PCDHGC5: variants seen among roughly 807,000 people sequenced by gnomAD.
PCDHGC5 encodes the protein protocadherin gamma subfamily C, 5, also known as protocadherin gamma-C5.
In PCDHGC5, 25 loss-of-function variants were observed where a neutral mutation model predicts 59.0. That is an observed-to-expected ratio of 0.42 (90% CI 0.31 to 0.59). The LOEUF (loss-of-function observed/expected upper bound fraction) is 0.59, where lower values mean the gene tolerates loss of function less well. Among genes scored for constraint, PCDHGC5 ranks in the 20% least tolerant of loss-of-function variants. The pLI, the probability that PCDHGC5 is intolerant of heterozygous loss-of-function variation, is 0.13. For missense variants in PCDHGC5, 1,067 were observed against 1,206.4 expected, an observed-to-expected ratio of 0.88 and a Z score of 1.71; for synonymous variants, 434 against 505.5, an observed-to-expected ratio of 0.86 and a Z score of 1.90.
rs750564390 is a variant in PCDHGC5, at chr5:141,494,823, C to T, written c.2477C>T (p.Thr826Met). Residue 826 changes from threonine to methionine, a missense_variant, in exon 2 of 4, where the codon ACG becomes ATG. Physicochemically the swap from Thr to Met is moderately conservative, Grantham distance 81. Coordinates refer to ENST00000252087, the MANE Select transcript of PCDHGC5 (RefSeq NM_018929.3). Reference sequence around the variant, plus strand: ...TCTCCACAGCAAGCCCCGCCCAACACGGACTGGCGTTTCTCTCAGGCCCAG... The same window carrying T: ...TCTCCACAGCAAGCCCCGCCCAACATGGACTGGCGTTTCTCTCAGGCCCAG... ...RERSQQAPPN[T>M]DWRFSQAQRP... 7 of 1,614,014 alleles carry T rather than the reference C, an allele frequency of 4.3e-6. No individual in the cohort carries two copies. The East Asian group carries it at 8.9e-5, about 21-fold the overall frequency.
chr5:141,510,621 A>G (rs1317150967), intron 3 of PCDHGC5, among the ~76,000 whole-genome samples: 1 of 152,176 alleles, frequency 6.6e-6, no homozygotes, highest in Non-Finnish European at 1.5e-5. Flanking sequence ...CACTAAAACC[A>G]GAAGAGGTGG....
intron 1 of PCDHGC5, among the ~76,000 whole-genome samples, chr5:141,492,337 C>T (rs559700346): frequency 1.0e-3 from 158 of 152,324 alleles, no homozygotes; most frequent in African/African-American, 3.7e-3. Flanking sequence ...TACGCGAATA[C>T]CAGCTTTCAC....
intron 2 of PCDHGC5, among the ~76,000 whole-genome samples, chr5:141,497,832 G>A (rs1326640712): frequency 1.3e-5 from 2 of 151,992 alleles, no homozygotes; most frequent in Non-Finnish European, 2.9e-5. Context: ...GATCGCCCCC[G>A]GCCACAACAA....
chr5:141,494,185 GAC>G (rs2099752607), intron 1 of PCDHGC5, among the ~76,000 whole-genome samples: 1 of 152,154 alleles, frequency 6.6e-6, no homozygotes, highest in Non-Finnish European at 1.5e-5. Context: ...AGTGTCCCGG[GAC>G]TTGGATGCCC....
rs141556649 is a variant in PCDHGC5 at position 141,492,225 on chromosome 5, C to T, written c.2460+525C>T. ...GTGTGCGCGCGGGGCTCATGCGTGT[C>T]CTCCCTGCTGGCCACCCCCACGGCC... On this transcript the variant is annotated intron_variant, in intron 1 of 3. Transcript: ENST00000252087. Among the ~76,000 whole-genome samples the T allele has an allele frequency of 2.4e-3, 361 of 152,274 alleles. No individual in the cohort carries two copies. In the Middle Eastern group the frequency reaches 0.024, roughly 10 times the overall value.
At chr5:141,498,520 A>T (rs1178141390) in intron 2 of PCDHGC5, among the ~76,000 whole-genome samples, 1 of 149,264 alleles carries the variant, frequency 6.7e-6, no homozygotes, top group Non-Finnish European at 1.5e-5. Flanking sequence ...CATCTTGCCC[A>T]CTGCCCTCCA....
At chr5:141,492,673 C>T (rs2099743035) in intron 1 of PCDHGC5, among the ~76,000 whole-genome samples, 1 of 152,250 alleles carries the variant, frequency 6.6e-6, no homozygotes, top group Non-Finnish European at 1.5e-5. Flanking sequence ...GGGACTCCGT[C>T]TCAAGGGTCG....
chr5:141,498,703 G>A (rs961006063), intron 2 of PCDHGC5, among the ~76,000 whole-genome samples: 7 of 152,228 alleles, frequency 4.6e-5, no homozygotes, highest in Non-Finnish European at 8.8e-5. Flanking sequence ...AGGCTGAGGT[G>A]GGTGGATCAC....
At chr5:141,494,363 T>C (rs1264801258) in intron 1 of PCDHGC5, among the ~76,000 whole-genome samples, 1 of 152,206 alleles carries the variant, frequency 6.6e-6, no homozygotes, top group Non-Finnish European at 1.5e-5. Context: ...CTGCAGAGGA[T>C]GCTTTGTTCC....
intron 2 of PCDHGC5, among the ~76,000 whole-genome samples, chr5:141,499,384 A>G (rs2099791576): frequency 6.6e-6 from 1 of 152,200 alleles, no homozygotes. Context: ...TTTTCCACTT[A>G]TAAAATAGTA....
In PCDHGC5 at chr5:141,510,989, C is replaced by A. The variant is rs2099883548; in HGVS notation, c.2651C>A (p.Thr884Asn). The A allele has an allele frequency of 1.2e-6, 2 of 1,614,198 alleles. No homozygotes were observed. The highest frequency in any genetic ancestry group is 1.7e-6 in the Non-Finnish European group (2 of 1,180,022). ...TCCACCCTGGGAGGGGGTGCCGGCA[C>A]CATGGGATTGAGCGCCCGCTACGGA... is the stretch of plus-strand genomic sequence containing the variant. ...GSSTLGGGAG[T>N]MGLSARYGPQ... Residue 884 changes from threonine to asparagine, a missense_variant, in exon 4 of 4, where the codon ACC becomes AAC. Thr to Asn is a moderately conservative substitution (Grantham distance 65, BLOSUM62 0). Transcript: ENST00000252087.
chr5:141,494,751 G>C (rs2099756509), intron 1 of PCDHGC5, 56 bp from the exon 2 acceptor site: 2 of 1,613,426 alleles, frequency 1.2e-6, no homozygotes, highest in African/African-American at 1.3e-5. Flanking sequence ...AGGGGCTCGG[G>C]TGACATTCTA....
At chr5:141,502,782 T>C (rs1200280465) in intron 2 of PCDHGC5, among the ~76,000 whole-genome samples, 1 of 152,132 alleles carries the variant, frequency 6.6e-6, no homozygotes, top group African/African-American at 2.4e-5. Context: ...GAAAATTACC[T>C]GGATGATTTC....
chr5:141,506,815 A>G (rs2099856451), intron 3 of PCDHGC5, among the ~76,000 whole-genome samples: 1 of 152,214 alleles, frequency 6.6e-6, no homozygotes, highest in African/African-American at 2.4e-5. Flanking sequence ...GCATTGCCCT[A>G]TATCATGAAC....
rs1407016089 is a variant in PCDHGC5 at position 141,489,914 on chromosome 5, C to T, written c.674C>T (p.Thr225Ile). Residue 225 changes from threonine (T) to isoleucine (I), a missense_variant, in exon 1 of 4, where the codon ACC becomes ATC. Coordinates refer to ENST00000252087, the MANE Select transcript of PCDHGC5 (RefSeq NM_018929.3). The surrounding 1 kb of genome is among the most constrained non-coding windows in gnomAD (Gnocchi z 4.5). ...VDGGTPARSG[T>I]TLISVIVLDI... Reference sequence around the variant, plus strand: ...GGGGGGACCCCAGCCCGCTCAGGGACCACCCTTATCTCTGTCATCGTGCTG... The same window carrying T: ...GGGGGGACCCCAGCCCGCTCAGGGATCACCCTTATCTCTGTCATCGTGCTG... 3 of 1,614,094 alleles carry T rather than the reference C, an allele frequency of 1.9e-6. No individual in the cohort carries two copies. Among genetic ancestry groups the T allele is most frequent in the African/African-American group, 2.7e-5 (2 of 74,936 alleles).
Position 141,489,471 on chromosome 5 carries a change from G to A in PCDHGC5, c.231G>A (p.Leu77=). The part of the protein sequence containing the change: ...GSEENGRYFS[L]SLMSGALAVN... ...AGGAGAATGGGCGCTATTTTTCCCT[G>A]AGCTTGATGAGTGGTGCCCTGGCAG... The change falls in exon 1 of 4, where the codon CTG becomes CTA. Residue 77 remains leucine, a synonymous_variant. Transcript: ENST00000252087. This position sits in a 1 kb window ranked among gnomAD's most constrained non-coding sequence, Gnocchi z 4.5. 1 of 1,614,074 alleles carries A rather than the reference G, an allele frequency of 6.2e-7. No homozygotes were observed. The highest frequency in any genetic ancestry group is 8.5e-7 in the Non-Finnish European group (1 of 1,180,026).
chr5:141,510,847 AG>A, intron 3 of PCDHGC5, 99 bp from the exon 4 acceptor site: 3 of 1,595,350 alleles, frequency 1.9e-6, no homozygotes, highest in Non-Finnish European at 2.6e-6. Context: ...GTCAAGGCCC[AG>A]GGTGCTGTAT....
chr5:141,491,763 T>C lies in PCDHGC5; in HGVS notation c.2460+63T>C. 1 of 1,570,222 alleles carries C rather than the reference T, an allele frequency of 6.4e-7. No homozygotes were observed. Among genetic ancestry groups the C allele is most frequent in the Non-Finnish European group, 8.6e-7 (1 of 1,159,286 alleles). Reference sequence around the variant, plus strand: ...GCGGCACTGGAGAAGCCGCCCGTCCTCATAAGGGATTGAACTTGCATCCAC... The same window carrying C: ...GCGGCACTGGAGAAGCCGCCCGTCCCCATAAGGGATTGAACTTGCATCCAC... On this transcript the variant is annotated intron_variant, in intron 1 of 3. Coordinates refer to ENST00000252087, the MANE Select transcript of PCDHGC5 (RefSeq NM_018929.3). The surrounding 1 kb of genome is among the most constrained non-coding windows in gnomAD (Gnocchi z 6.9).
chr5:141,497,210 G>T (rs988856908), intron 2 of PCDHGC5, among the ~76,000 whole-genome samples: 1 of 28,140 alleles, frequency 3.6e-5, no homozygotes, highest in African/African-American at 1.1e-3. Context: ...TGAGTGTAAT[G>T]GGGGGGGGAA....
Sources: gnomAD v4.1 joint callset for allele counts (sites outside exome capture counted in the v4.1 genomes callset) on GRCh38, gnomAD v4.1.1 for gene constraint, Gnocchi (gnomAD v3.1) non-coding constraint, MANE v1.5 for transcripts, NCBI Gene and HGNC (gene_info 2026-07-23, HGNC 2026-07-21) for gene names.